APOL6: variants seen among roughly 807,000 people sequenced by gnomAD.
APOL6 encodes the protein apolipoprotein L6, also known as apolipoprotein L, 6.
APOL6 carries 1 observed loss-of-function variant against 2.4 expected under a neutral mutation model. The ratio of observed to expected loss-of-function variants is 0.41; its 90% CI spans 0.15 to 1.94. The LOEUF (loss-of-function observed/expected upper bound fraction) is 1.94. APOL6 is among the 30% of genes most tolerant of loss of function. The pLI is 0.30. For synonymous variants in APOL6, 189 were observed against 169.3 expected (o/e 1.12, Z -0.90); for missense variants, 438 against 429.2 (o/e 1.02, Z -0.18).
At chr22:35,649,639 A>C (rs1376637373) in intron 1 of APOL6, among the ~76,000 whole-genome samples, 1 of 152,038 alleles carries the variant, frequency 6.6e-6, no homozygotes, top group Non-Finnish European at 1.5e-5. Context: ...TCACAAGCAA[A>C]TCCTCTCGCA....
intron 2 of APOL6, among the ~76,000 whole-genome samples, chr22:35,657,121 C>A (rs1015905157): frequency 6.6e-6 from 1 of 152,198 alleles, no homozygotes; most frequent in Non-Finnish European, 1.5e-5. Flanking sequence ...AAACCAAAAA[C>A]TTTACAGTTC....
chr22:35,655,593 A>G (rs968243879), intron 1 of APOL6, among the ~76,000 whole-genome samples: 18 of 152,158 alleles, frequency 1.2e-4, no homozygotes, highest in African/African-American at 4.3e-4. Flanking sequence ...ATATAAAAAA[A>G]CTATAATTTG....
intron 1 of APOL6, among the ~76,000 whole-genome samples, chr22:35,655,291 GAAAATTATTT>G (rs1229991768): frequency 7.2e-5 from 11 of 152,098 alleles, no homozygotes; most frequent in African/African-American, 2.7e-4. Context: ...AGGGCAGAGG[GAAAATTATTT>G]TTTCCTCTCT....
At chr22:35,651,194 A>T (rs1055040724) in intron 1 of APOL6, among the ~76,000 whole-genome samples, 1 of 152,180 alleles carries the variant, frequency 6.6e-6, no homozygotes, top group Admixed American at 6.5e-5. Flanking sequence ...AGGTGGCTTC[A>T]AACAACAGAC....
chr22:35,664,528 T>A lies in APOL6; in HGVS notation c.*4932T>A, dbSNP rs1925118315. On this transcript the variant is annotated 3_prime_UTR_variant, in exon 3 of 3. Coordinates refer to ENST00000409652, the MANE Select transcript of APOL6 (RefSeq NM_030641.4). ...GAAGTTAAGAGCAAGGTGGAGTCAG[T>A]TAGGTCAAATCGTTTTTCACTGTCT... 6.6e-6 allele frequency: 1 copy of A among 152,208 alleles called. No individual in the cohort carries two copies. The highest frequency in any genetic ancestry group is 1.5e-5 in the Non-Finnish European group (1 of 68,046). 9.4% of individuals were successfully genotyped at this position (152,208 alleles called of 1,614,324 possible).
intron 1 of APOL6, among the ~76,000 whole-genome samples, chr22:35,652,610 C>T (rs1226022818): frequency 3.9e-5 from 6 of 152,198 alleles, no homozygotes; most frequent in Admixed American, 6.5e-5. Context: ...CAGCTTTCTG[C>T]GTGTGGCTAG....
At position 35,665,696 on chromosome 22, in the gene APOL6, T is replaced by A. The variant is rs1925158793; in HGVS notation, c.*6100T>A. On this transcript the variant is annotated 3_prime_UTR_variant, in exon 3 of 3. Coordinates refer to ENST00000409652, the MANE Select transcript of APOL6 (RefSeq NM_030641.4). ...CAAAATTTTGAAAATCAAATGTGAT[T>A]GGCTTCAGGCTGTTTTTATTAGGGC... The A allele has an allele frequency of 6.6e-6, 1 of 152,254 alleles. No individual in the cohort carries two copies. Among genetic ancestry groups the A allele is most frequent in the Admixed American group, 6.5e-5 (1 of 15,292 alleles). The allele number at this position is 152,254 out of a possible 1,614,324, so 9.4% of individuals were successfully genotyped here. A position where few individuals can be genotyped will look rare whatever the true frequency, so the allele number is the denominator to read the frequency against.
rs1320070397 is a variant in APOL6 at position 35,659,191 on chromosome 22, A to G, written c.627A>G (p.Gln209=). 1 of 1,614,190 alleles carries G rather than the reference A, an allele frequency of 6.2e-7. No homozygotes were observed. The highest frequency in any genetic ancestry group is 8.5e-7 in the Non-Finnish European group (1 of 1,180,036). Residue 209 remains glutamine (Q), a synonymous_variant, in exon 3 of 3, where the codon CAA becomes CAG. Transcript: ENST00000409652. ...NATKRLLTTG[Q]VSSRSRVQVQ... is the part of the protein sequence containing the mutation. The stretch of plus-strand genomic sequence containing the variant: ...CCAAGCGTCTTCTGACCACTGGCCA[A>G]GTCTCCTCCCGGAGCCGCGTGCAGG...
chr22:35,652,368 G>A (rs1924720925), intron 1 of APOL6, among the ~76,000 whole-genome samples: 1 of 152,094 alleles, frequency 6.6e-6, no homozygotes, highest in South Asian at 2.1e-4. Flanking sequence ...TCTGATGGTA[G>A]TTTCTTTTGC....
intron 1 of APOL6, among the ~76,000 whole-genome samples, chr22:35,654,898 G>T (rs1479473708): frequency 6.6e-6 from 1 of 152,064 alleles, no homozygotes; most frequent in East Asian, 1.9e-4. Flanking sequence ...ATTTACAAAG[G>T]TCTTTCTATC....
intron 1 of APOL6, among the ~76,000 whole-genome samples, chr22:35,650,604 GA>G (rs1315260250): frequency 2.0e-5 from 3 of 152,112 alleles, no homozygotes; most frequent in Non-Finnish European, 4.4e-5. Flanking sequence ...GTGAATGAAT[GA>G]ATGAATGGCT....
At position 35,665,912 on chromosome 22, in the gene APOL6, T is replaced by A. The variant is rs1413727278; in HGVS notation, c.*6316T>A. ...AAATCAAATTATAAATTATGTATTT[T>A]TCTAACCTAATTAATCCTTTAAGAT... On this transcript the variant is annotated 3_prime_UTR_variant, in exon 3 of 3. Transcript: ENST00000409652. 2 of 152,250 alleles carry A rather than the reference T, an allele frequency of 1.3e-5. No individual in the cohort carries two copies. Among genetic ancestry groups the A allele is most frequent in the Non-Finnish European group, 2.9e-5 (2 of 68,040 alleles). 9.4% of individuals were successfully genotyped at this position (152,250 alleles called of 1,614,324 possible).
At position 35,660,871 on chromosome 22, in the gene APOL6, T is replaced by C. The variant is rs1427812888; in HGVS notation, c.*1275T>C. The C allele has an allele frequency of 6.6e-6, 1 of 152,264 alleles. No individual in the cohort carries two copies. The highest frequency in any genetic ancestry group is 1.5e-5 in the Non-Finnish European group (1 of 68,054). The allele number at this position is 152,264 out of a possible 1,614,324, so 9.4% of individuals were successfully genotyped here. ...ATACTATTGGAGGGGTAGAAGGAAC[T>C]TCCTTTCTAGACCTTGAAGGTTTAA... On this transcript the variant is annotated 3_prime_UTR_variant, in exon 3 of 3. Transcript: ENST00000409652.
At chr22:35,657,235 T>C (rs1924869671) in intron 2 of APOL6, among the ~76,000 whole-genome samples, 1 of 152,238 alleles carries the variant, frequency 6.6e-6, no homozygotes, top group Non-Finnish European at 1.5e-5. Context: ...GGCTAACCTA[T>C]GGCATCTTTT....
chr22:35,658,060 C>T lies in APOL6; in HGVS notation c.51-555C>T, dbSNP rs528470178. 2.0e-5 allele frequency among the ~76,000 whole-genome samples: 3 copies of T among 152,202 alleles called. No individual in the cohort carries two copies. The South Asian group carries it at 6.2e-4, about 32-fold the overall frequency. On this transcript the variant is annotated intron_variant, in intron 2 of 2. Coordinates refer to ENST00000409652, the MANE Select transcript of APOL6 (RefSeq NM_030641.4). ...TTATCTCAACTCTCAATGTGCAACT[C>T]CTGATAGAAGCAAAGACACACCCCA...
intron 1 of APOL6, among the ~76,000 whole-genome samples, chr22:35,653,058 C>A (rs1171986194): frequency 1.3e-5 from 2 of 151,462 alleles, no homozygotes; most frequent in Non-Finnish European, 3.0e-5. Context: ...TTGTTTGTAT[C>A]CTCTTTTGTT....
chr22:35,654,400 CGGGTGTGGCTAAAAG>C (rs569571072), intron 1 of APOL6, among the ~76,000 whole-genome samples: 43 of 152,046 alleles, frequency 2.8e-4, no homozygotes, highest in Middle Eastern at 3.4e-3. Context: ...AACATAAACT[CGGGTGTGGCTAAAAG>C]GGGTCGGTTA....
rs1311446940 is a variant in APOL6, at chr22:35,664,330, A to C, written c.*4734A>C. 1 of 152,244 alleles carries C rather than the reference A, an allele frequency of 6.6e-6. No homozygotes were observed. Among genetic ancestry groups the C allele is most frequent in the African/African-American group, 2.4e-5 (1 of 41,468 alleles). 9.4% of individuals were successfully genotyped at this position (152,244 alleles called of 1,614,324 possible). On this transcript the variant is annotated 3_prime_UTR_variant, in exon 3 of 3. Transcript: ENST00000409652. ...ATGAAAACAGCTGCATCTTGAATTT[A>C]GTAAGATTACCATAACTTCTAATCC...
At chr22:35,650,129 G>A (rs1400813027) in intron 1 of APOL6, among the ~76,000 whole-genome samples, 1 of 152,118 alleles carries the variant, frequency 6.6e-6, no homozygotes, top group African/African-American at 2.4e-5. Flanking sequence ...ATCTCACTGG[G>A]TCACTGTGTA....
Sources: allele counts gnomAD v4.1 joint callset (sites outside exome capture counted in the v4.1 genomes callset), GRCh38; gene constraint gnomAD v4.1.1; transcripts MANE v1.5; gene names NCBI Gene and HGNC (gene_info 2026-07-23, HGNC 2026-07-21).